MED27: variants seen among roughly 807,000 people sequenced by gnomAD.
The protein encoded by MED27 is mediator complex subunit 27, also known as mediator of RNA polymerase II transcription subunit 27.
MED27 carries 30 observed loss-of-function variants against 38.2 expected under a neutral mutation model. The ratio of observed to expected loss-of-function variants is 0.79; its 90% CI spans 0.59 to 1.07. MED27 has a LOEUF of 1.07. Among genes scored for constraint, MED27 ranks in the 50% least tolerant of loss-of-function variants. MED27 has a pLI of 0.00. For missense variants in MED27, 289 were observed against 397.5 expected (o/e 0.73, Z 2.32); for synonymous variants, 122 against 153.5 (o/e 0.79, Z 1.52).
chr9:132,071,517 C>T (rs1387323388), intron 2 of MED27, among the ~76,000 whole-genome samples: 4 of 151,668 alleles, frequency 2.6e-5, no homozygotes, highest in Non-Finnish European at 5.9e-5. Context: ...ACTCCATGAG[C>T]ACACACACAT....
chr9:132,034,743 C>T (rs1391378023), intron 2 of MED27, among the ~76,000 whole-genome samples: 1 of 152,162 alleles, frequency 6.6e-6, no homozygotes, highest in African/African-American at 2.4e-5. Flanking sequence ...TGACTGTGGC[C>T]TTCACCTTCT....
chr9:132,005,225 A>C (rs983798481), intron 3 of MED27, among the ~76,000 whole-genome samples: 1 of 152,246 alleles, frequency 6.6e-6, no homozygotes, highest in African/African-American at 2.4e-5. Context: ...ACAAGGCGAC[A>C]CTGGAGATGG....
chr9:131,890,866 C>T (rs1426565860), intron 5 of MED27, among the ~76,000 whole-genome samples: 1 of 152,214 alleles, frequency 6.6e-6, no homozygotes, highest in Non-Finnish European at 1.5e-5. Context: ...CGACAGCCAC[C>T]GTGGGCAAAG....
At chr9:132,012,159 G>C (rs1470761091) in intron 3 of MED27, among the ~76,000 whole-genome samples, 1 of 152,194 alleles carries the variant, frequency 6.6e-6, no homozygotes, top group Non-Finnish European at 1.5e-5. Context: ...GGGACCATTA[G>C]AAAGTCTTTT....
intron 1 of MED27, among the ~76,000 whole-genome samples, 199 bp downstream of exon 1, chr9:132,079,443 C>T (rs1176688115): frequency 3.9e-5 from 6 of 152,086 alleles, no homozygotes. Flanking sequence ...GACCAGGAGG[C>T]CAGGAGAAGC....
At chr9:131,975,688 T>C (rs1221028207) in intron 3 of MED27, among the ~76,000 whole-genome samples, 3 of 152,052 alleles carry the variant, frequency 2.0e-5, no homozygotes, top group African/African-American at 4.8e-5. Context: ...AACGCAAATA[T>C]GTAATAACTG....
rs534355135 is a variant in MED27 at position 131,990,076 on chromosome 9, C to G, written c.479+24261G>C. Among the ~76,000 whole-genome samples the G allele has an allele frequency of 2.0e-5, 3 of 152,152 alleles. No individual in the cohort carries two copies. In the South Asian group the frequency reaches 6.2e-4, roughly 32 times the overall value. ...GGTTCCCCCGCACACAGAACCTGCC[C>G]CACTTTAGATCCTTCCCAGACGGTG... On this transcript the variant is annotated intron_variant, in intron 3 of 7. Coordinates refer to ENST00000292035, the MANE Select transcript of MED27 (RefSeq NM_004269.4).
intron 6 of MED27, among the ~76,000 whole-genome samples, chr9:131,866,694 C>T (rs1838742276): frequency 6.6e-6 from 1 of 152,242 alleles, no homozygotes; most frequent in African/African-American, 2.4e-5. Flanking sequence ...GTGCCTACCA[C>T]AGGGGATGAC....
At chr9:131,967,484 TC>T (rs1428083099) in intron 3 of MED27, among the ~76,000 whole-genome samples, 12 of 150,352 alleles carry the variant, frequency 8.0e-5, no homozygotes, top group Middle Eastern at 3.4e-3. Flanking sequence ...CTCTCATGAA[TC>T]TTTTTTTTTT....
intron 1 of MED27, 133 bp from the exon 2 acceptor site, chr9:132,077,719 GT>G: frequency 1.2e-6 from 1 of 845,610 alleles, no homozygotes; most frequent in Non-Finnish European, 1.7e-6. Context: ...TTTTTGAAAG[GT>G]TAAAAAATAC....
At chr9:132,010,114 G>C (rs1589264031) in intron 3 of MED27, among the ~76,000 whole-genome samples, 1 of 152,136 alleles carries the variant, frequency 6.6e-6, no homozygotes, top group East Asian at 1.9e-4. Context: ...CATTGCTTCT[G>C]GTGTTTTAGA....
At chr9:132,060,453 A>C (rs761752383) in intron 2 of MED27, among the ~76,000 whole-genome samples, 1 of 152,212 alleles carries the variant, frequency 6.6e-6, no homozygotes, top group Non-Finnish European at 1.5e-5. Flanking sequence ...CAGTTGGACA[A>C]ATGTGCAGAG....
At chr9:132,059,663 T>C (rs560347522) in intron 2 of MED27, among the ~76,000 whole-genome samples, 2 of 152,312 alleles carry the variant, frequency 1.3e-5, no homozygotes, top group Non-Finnish European at 2.9e-5. Flanking sequence ...CCACAGCCAT[T>C]TGTACATCAT....
chr9:131,947,344 G>A (rs910432435), intron 3 of MED27, among the ~76,000 whole-genome samples: 1 of 152,128 alleles, frequency 6.6e-6, no homozygotes, highest in East Asian at 1.9e-4. Flanking sequence ...CAGAATCCCT[G>A]CATGTGTTTT....
chr9:132,007,346 A>G (rs1166848090), intron 3 of MED27, among the ~76,000 whole-genome samples: 2 of 152,222 alleles, frequency 1.3e-5, no homozygotes, highest in Admixed American at 6.5e-5. Context: ...GCTCCAAAGA[A>G]CATCGAAAAA....
intron 6 of MED27, among the ~76,000 whole-genome samples, chr9:131,865,406 C>T (rs193053144): frequency 5.9e-5 from 9 of 152,298 alleles, no homozygotes; most frequent in African/African-American, 1.2e-4. Context: ...CGAACTTGAA[C>T]GCTTGGTTCT....
chr9:131,912,405 A>G (rs1830207815), intron 4 of MED27, among the ~76,000 whole-genome samples: 1 of 152,230 alleles, frequency 6.6e-6, no homozygotes, highest in Non-Finnish European at 1.5e-5. Flanking sequence ...AGTATCAGGA[A>G]AAAAATAACT....
intron 6 of MED27, among the ~76,000 whole-genome samples, chr9:131,870,504 C>G (rs1300035276): frequency 6.6e-6 from 1 of 152,180 alleles, no homozygotes; most frequent in African/African-American, 2.4e-5. Flanking sequence ...GGCTAAGTCA[C>G]AGGGAGGTTA....
intron 2 of MED27, among the ~76,000 whole-genome samples, chr9:132,039,875 C>T (rs1833169731): frequency 6.6e-6 from 1 of 152,182 alleles, no homozygotes; most frequent in African/African-American, 2.4e-5. Flanking sequence ...CTGCAGGTCC[C>T]TCCCTTATAA....
Sources: gnomAD v4.1 joint callset for allele counts (sites outside exome capture counted in the v4.1 genomes callset) on GRCh38, gnomAD v4.1.1 for gene constraint, MANE v1.5 for transcripts, NCBI Gene and HGNC (gene_info 2026-07-23, HGNC 2026-07-21) for gene names.